TBC1D22A: variants seen among roughly 807,000 people sequenced by gnomAD.
TBC1D22A encodes the protein putative GTPase activator.
Under a neutral mutation model 60.2 loss-of-function variants are expected in TBC1D22A, and 38 were observed. That is an observed-to-expected ratio of 0.63 (90% confidence interval 0.49 to 0.83). The LOEUF is 0.83. Ranked by LOEUF, TBC1D22A falls within the 40% of genes least tolerant of loss-of-function variation. TBC1D22A has a pLI of 0.00. For missense variants in TBC1D22A, 628 were observed against 701.0 expected (o/e 0.90, Z 1.18); for synonymous variants, 302 against 281.7 (o/e 1.07, Z -0.72).
At chr22:46,924,048 C>G (rs541690732) in intron 8 of TBC1D22A, among the ~76,000 whole-genome samples, 29 of 152,324 alleles carry the variant, frequency 1.9e-4, no homozygotes, top group Non-Finnish European at 3.5e-4. Context: ...GAGCATTGTT[C>G]CATCACCTTG....
At chr22:46,972,250 G>A (rs2074094186) in intron 8 of TBC1D22A, among the ~76,000 whole-genome samples, 1 of 152,168 alleles carries the variant, frequency 6.6e-6, no homozygotes, top group Non-Finnish European at 1.5e-5. Context: ...CTTTAAAGTC[G>A]CTTGTTTTCC....
chr22:46,762,817 TG>T lies in TBC1D22A; in HGVS notation c.33del (p.Trp11Ter). On this transcript the variant is annotated frameshift_variant, in exon 1 of 13. Transcript: ENST00000337137. LOFTEE classifies it high-confidence loss of function. ...CAGCGACGGGGCCAGGAAGCAATTC[TG>T]GAAGCGCAGCAACAGCAAGCTCCCG... MASDGARKQFWKRSNSKLPGS... is the reference protein window; with the variant it reads MASDGARKQFXKRSNSKLPGS... 1 of 1,458,300 alleles carries T rather than the reference TG, an allele frequency of 6.9e-7. No individual in the cohort carries two copies. 90.3% of individuals were successfully genotyped at this position (1,458,300 alleles called of 1,614,324 possible).
chr22:46,997,229 C>T (rs2075149453), intron 9 of TBC1D22A, among the ~76,000 whole-genome samples: 1 of 152,232 alleles, frequency 6.6e-6, no homozygotes, highest in Non-Finnish European at 1.5e-5. Flanking sequence ...GCACCTTTGC[C>T]GTTGGTTCCC....
intron 11 of TBC1D22A, among the ~76,000 whole-genome samples, chr22:47,051,095 T>C (rs1259183953): frequency 6.8e-6 from 1 of 147,054 alleles, no homozygotes; most frequent in Non-Finnish European, 1.5e-5. Flanking sequence ...TGGCAGGTCA[T>C]GTGGGAGGCT....
At chr22:46,847,190 G>A (rs896691768) in intron 4 of TBC1D22A, among the ~76,000 whole-genome samples, 1 of 152,214 alleles carries the variant, frequency 6.6e-6, no homozygotes, top group African/African-American at 2.4e-5. Context: ...CATTTGGTAT[G>A]TTTTGTGCCA....
intron 10 of TBC1D22A, 104 bp from the exon 11 acceptor site, chr22:47,036,967 G>C: frequency 7.1e-7 from 1 of 1,406,866 alleles, no homozygotes; most frequent in Non-Finnish European, 9.8e-7. Context: ...TGTTGGAGTG[G>C]GGTTCTGAGG....
chr22:46,959,404 C>T (rs966189687), intron 8 of TBC1D22A, among the ~76,000 whole-genome samples: 10 of 152,156 alleles, frequency 6.6e-5, no homozygotes, highest in African/African-American at 2.2e-4. Flanking sequence ...CAGGTGGTGT[C>T]AGGACACAGG....
At chr22:46,796,843 C>T (rs2084675339) in intron 3 of TBC1D22A, among the ~76,000 whole-genome samples, 1 of 152,164 alleles carries the variant, frequency 6.6e-6, no homozygotes, top group African/African-American at 2.4e-5. Flanking sequence ...TCCTTTGTTT[C>T]CTTGGGATGA....
intron 7 of TBC1D22A, among the ~76,000 whole-genome samples, chr22:46,906,031 A>G (rs1467245988): frequency 6.6e-6 from 1 of 152,048 alleles, no homozygotes; most frequent in Non-Finnish European, 1.5e-5. Context: ...TGGGGCTCAC[A>G]TTAGCCTCTC....
intron 12 of TBC1D22A, among the ~76,000 whole-genome samples, chr22:47,135,306 A>AT (rs2066825547): frequency 6.6e-6 from 1 of 152,094 alleles, no homozygotes; most frequent in African/African-American, 2.4e-5. Flanking sequence ...TTCTTCGCTG[A>AT]TTCCTTCATT....
intron 8 of TBC1D22A, among the ~76,000 whole-genome samples, chr22:46,944,298 T>G (rs2072370891): frequency 6.6e-6 from 1 of 152,198 alleles, no homozygotes; most frequent in South Asian, 2.1e-4. Context: ...ATGTGTTTAT[T>G]TTTGTTTTGT....
Position 46,927,470 on chromosome 22 carries a change from A to G in TBC1D22A, c.1015+15282A>G, listed in dbSNP as rs544497323. ...AACTTCCTCTCTAATAAAGGCTTCC[A>G]TGAAAATTCTGTGACTAACATCATG... On this transcript the variant is annotated intron_variant, in intron 8 of 12. Coordinates refer to ENST00000337137, the MANE Select transcript of TBC1D22A (RefSeq NM_014346.5). Among the ~76,000 whole-genome samples, 5 of 152,374 alleles carry G rather than the reference A, an allele frequency of 3.3e-5. No homozygotes were observed. In the South Asian group the frequency reaches 1.0e-3, roughly 32 times the overall value.
chr22:47,142,029 C>G (rs901393065), intron 12 of TBC1D22A, among the ~76,000 whole-genome samples: 1 of 152,186 alleles, frequency 6.6e-6, no homozygotes, highest in Admixed American at 6.5e-5. Context: ...CTAGTAGGCA[C>G]TGAGAATTCT....
intron 10 of TBC1D22A, among the ~76,000 whole-genome samples, chr22:47,029,240 C>T (rs546934258): frequency 7.1e-6 from 1 of 140,846 alleles, no homozygotes; most frequent in Non-Finnish European, 1.5e-5. Context: ...GGCCCAGGGA[C>T]ACAGCGCTTC....
chr22:46,899,564 G>A (rs1439191746), intron 7 of TBC1D22A, among the ~76,000 whole-genome samples: 1 of 152,146 alleles, frequency 6.6e-6, no homozygotes, highest in Non-Finnish European at 1.5e-5. Flanking sequence ...GGCAAATCCC[G>A]AATGTGCCTT....
At chr22:46,996,737 G>T (rs531469620) in intron 9 of TBC1D22A, among the ~76,000 whole-genome samples, 1 of 152,294 alleles carries the variant, frequency 6.6e-6, no homozygotes, top group Non-Finnish European at 1.5e-5. Flanking sequence ...CCTTGTTGAT[G>T]GGAGCTGCCT....
chr22:47,108,842 C>T (rs1478217856), intron 11 of TBC1D22A, among the ~76,000 whole-genome samples: 1 of 152,162 alleles, frequency 6.6e-6, no homozygotes, highest in Non-Finnish European at 1.5e-5. Context: ...ACTACAGGCA[C>T]CCGCCACCAT....
intron 12 of TBC1D22A, among the ~76,000 whole-genome samples, chr22:47,133,081 C>T (rs1043832374): frequency 6.6e-5 from 10 of 152,202 alleles, no homozygotes; most frequent in African/African-American, 1.7e-4. Context: ...GTTTAGGCGA[C>T]GCCTGTAAAA....
At chr22:46,974,763 G>T (rs1328432727) in intron 9 of TBC1D22A, among the ~76,000 whole-genome samples, 1 of 152,228 alleles carries the variant, frequency 6.6e-6, no homozygotes, top group Non-Finnish European at 1.5e-5. Context: ...AAGGGCCTCA[G>T]ATCGGGGGCC....
Sources: allele counts gnomAD v4.1 joint callset (sites outside exome capture counted in the v4.1 genomes callset), GRCh38; gene constraint gnomAD v4.1.1; transcripts MANE v1.5; gene names NCBI Gene and HGNC (gene_info 2026-07-23, HGNC 2026-07-21).